Variants in DOK6 observed in about 807,000 individuals in gnomAD.
DOK6 encodes the protein docking protein 6, also known as downstream of tyrosine kinase 6.
A neutral mutation model predicts 44.0 loss-of-function variants in DOK6; 22 were observed. The ratio of observed to expected loss-of-function variants is 0.50; its 90% confidence interval spans 0.36 to 0.71. The LOEUF (loss-of-function observed/expected upper bound fraction) is 0.71. Among genes scored for constraint, DOK6 ranks in the 30% least tolerant of loss-of-function variants. The pLI is 0.00. For synonymous variants in DOK6, 166 were observed against 145.5 expected (o/e 1.14, Z -1.01); for missense variants, 340 against 416.4 (o/e 0.82, Z 1.60).
intron 5 of DOK6, among the ~76,000 whole-genome samples, chr18:69,717,889 A>G (rs1986919999): frequency 6.6e-6 from 1 of 152,216 alleles, no homozygotes; most frequent in Admixed American, 6.5e-5. Flanking sequence ...TTGACTAACC[A>G]TGGTAGGGGC....
At chr18:69,783,072 C>T (rs757513009) in intron 7 of DOK6, among the ~76,000 whole-genome samples, 1 of 152,180 alleles carries the variant, frequency 6.6e-6, no homozygotes, top group South Asian at 2.1e-4. Context: ...ATAGACATGA[C>T]CCAGGCAATG....
chr18:69,752,835 T>G (rs1483408317), intron 6 of DOK6, among the ~76,000 whole-genome samples: 2 of 152,152 alleles, frequency 1.3e-5, no homozygotes, highest in African/African-American at 2.4e-5. Flanking sequence ...CACGGGGTCA[T>G]GTGGAGCAGC....
At chr18:69,450,975 A>G (rs1979446094) in intron 1 of DOK6, among the ~76,000 whole-genome samples, 1 of 148,814 alleles carries the variant, frequency 6.7e-6, no homozygotes, top group Non-Finnish European at 1.5e-5. Context: ...TGTAAAGACC[A>G]TCGAGACTAG....
intron 5 of DOK6, among the ~76,000 whole-genome samples, chr18:69,732,360 T>C (rs1402572862): frequency 3.3e-5 from 5 of 152,184 alleles, no homozygotes; most frequent in African/African-American, 1.2e-4. Context: ...CATTAACATG[T>C]AACCATATAA....
chr18:69,662,122 G>A (rs1985543876), intron 3 of DOK6: 1 of 152,192 alleles, frequency 6.6e-6, no homozygotes, highest in Admixed American at 6.5e-5. Flanking sequence ...TGGGATTACA[G>A]GTGCCTGCCA....
chr18:69,565,409 A>G (rs1982945211), intron 2 of DOK6, among the ~76,000 whole-genome samples: 1 of 151,954 alleles, frequency 6.6e-6, no homozygotes, highest in South Asian at 2.1e-4. Flanking sequence ...ATTAGTTATG[A>G]ATATTAACTA....
chr18:69,753,286 A>G (rs1470791229), intron 6 of DOK6, among the ~76,000 whole-genome samples: 1 of 152,196 alleles, frequency 6.6e-6, no homozygotes, highest in African/African-American at 2.4e-5. Flanking sequence ...AGAGCCCTCT[A>G]AATCTAAACC....
chr18:69,723,141 A>T (rs554283805), intron 5 of DOK6, among the ~76,000 whole-genome samples: 1 of 152,198 alleles, frequency 6.6e-6, no homozygotes, highest in Non-Finnish European at 1.5e-5. Flanking sequence ...TTTGCCTGCA[A>T]TGCTAACTAC....
intron 3 of DOK6, among the ~76,000 whole-genome samples, chr18:69,603,733 T>C (rs1174027647): frequency 4.0e-5 from 5 of 123,720 alleles, no homozygotes; most frequent in African/African-American, 1.6e-4. Context: ...ATCGCGCCAC[T>C]GCACTCCAGC....
intron 1 of DOK6, among the ~76,000 whole-genome samples, chr18:69,417,684 C>G (rs916411836): frequency 6.6e-6 from 1 of 152,032 alleles, no homozygotes; most frequent in African/African-American, 2.4e-5. Flanking sequence ...CAACAGTGTG[C>G]AAACATTCTC....
chr18:69,707,141 C>A (rs1339760488), intron 5 of DOK6, among the ~76,000 whole-genome samples: 2 of 152,132 alleles, frequency 1.3e-5, no homozygotes, highest in Non-Finnish European at 2.9e-5. Flanking sequence ...ACGTGAAGGA[C>A]CTCTTCAAGG....
intron 1 of DOK6, among the ~76,000 whole-genome samples, chr18:69,444,585 T>C (rs1317132571): frequency 6.6e-6 from 1 of 152,058 alleles, no homozygotes; most frequent in Non-Finnish European, 1.5e-5. Context: ...GATTTTTATT[T>C]TTATTTTTAA....
At chr18:69,730,601 GATGAAGATTGTTTTAAGAAATACAATCTA>G (rs1978369220) in intron 5 of DOK6, among the ~76,000 whole-genome samples, 1 of 151,926 alleles carries the variant, frequency 6.6e-6, no homozygotes. Context: ...TAACATTTTC[GATGAAGATTGTTTTAAGAAATACAATCTA>G]ATGTGTTAAA....
chr18:69,624,439 G>C (rs1441688259), intron 3 of DOK6, among the ~76,000 whole-genome samples: 1 of 152,070 alleles, frequency 6.6e-6, no homozygotes, highest in African/African-American at 2.4e-5. Flanking sequence ...AAACCAGCTA[G>C]TAATCCATTG....
intron 1 of DOK6, among the ~76,000 whole-genome samples, chr18:69,452,738 A>G (rs866560360): frequency 6.9e-6 from 1 of 144,878 alleles, no homozygotes; most frequent in Non-Finnish European, 1.5e-5. Flanking sequence ...CATCCCTGGG[A>G]TGCAAGGCTG....
At chr18:69,752,488 C>T (rs1979216566) in intron 6 of DOK6, among the ~76,000 whole-genome samples, 2 of 151,994 alleles carry the variant, frequency 1.3e-5, no homozygotes, top group African/African-American at 4.8e-5. Context: ...AAGTTAATGC[C>T]TTTCAGTATG....
chr18:69,435,346 TGC>T (rs1463821983), intron 1 of DOK6, among the ~76,000 whole-genome samples: 1 of 152,220 alleles, frequency 6.6e-6, no homozygotes, highest in Admixed American at 6.5e-5. Flanking sequence ...ATTTAAGCTG[TGC>T]GCTCTACTGG....
intron 1 of DOK6, among the ~76,000 whole-genome samples, chr18:69,459,187 TTGTGTGTGTGTGTGTGTGTGTGTGTG>T (rs71176967): frequency 4.4e-5 from 6 of 136,874 alleles, no homozygotes; most frequent in South Asian, 2.4e-4. Context: ...AAAAAATATT[TTGTGTGTGTGTGTGTGTGTGTGTGTG>T]TGTGTGTGTG....
At chr18:69,739,408 A>G (rs939903641) in intron 6 of DOK6, among the ~76,000 whole-genome samples, 28 of 152,338 alleles carry the variant, frequency 1.8e-4, no homozygotes, top group African/African-American at 6.5e-4. Context: ...GTCCCCACAT[A>G]CAGTTGGACA....
Sources: allele counts gnomAD v4.1 joint callset (sites outside exome capture counted in the v4.1 genomes callset), GRCh38; gene constraint gnomAD v4.1.1; transcripts MANE v1.5; gene names NCBI Gene and HGNC (gene_info 2026-07-23, HGNC 2026-07-21).